Variants in CFAP74 observed in about 807,000 individuals in gnomAD.
CFAP74 encodes the protein cilia and flagella associated protein 74.
In CFAP74, 124 loss-of-function variants were observed where a neutral mutation model predicts 188.9. The observed-to-expected ratio is 0.66, with a 90% CI of 0.57 to 0.76. The LOEUF (loss-of-function observed/expected upper bound fraction) is 0.76. Ranked by LOEUF, CFAP74 falls within the 30% of genes least tolerant of loss-of-function variation. The pLI is 0.00. For synonymous variants in CFAP74, 956 were observed against 916.7 expected (o/e 1.04, Z -0.77); for missense variants, 2,198 against 2,165.2 (o/e 1.02, Z -0.30).
At chr1:1,971,465 G>A (rs1363085629) in intron 9 of CFAP74, among the ~76,000 whole-genome samples, 7 of 152,174 alleles carry the variant, frequency 4.6e-5, no homozygotes, top group Admixed American at 2.0e-4. Context: ...ACACTGGGCC[G>A]TTGAACAGAT....
chr1:1,955,232 A>G, intron 18 of CFAP74: 3 of 1,290,160 alleles, frequency 2.3e-6, no homozygotes, highest in Non-Finnish European at 3.0e-6. Flanking sequence ...CAAGGAGGAG[A>G]CGCAAGCGAT....
chr1:1,982,440 C>A (rs1656962996), intron 6 of CFAP74, among the ~76,000 whole-genome samples: 1 of 152,364 alleles, frequency 6.6e-6, no homozygotes, highest in Non-Finnish European at 1.5e-5. Context: ...CGGGGACACG[C>A]ATATGCATGA....
At chr1:1,992,701 C>T (rs1657659433) in intron 1 of CFAP74, among the ~76,000 whole-genome samples, 1 of 151,298 alleles carries the variant, frequency 6.6e-6, no homozygotes, top group Non-Finnish European at 1.5e-5. Flanking sequence ...GTCTCGATCT[C>T]CTGACCTCGT....
In CFAP74 at chr1:1,966,479, G is replaced by T; in HGVS notation, c.1293C>A (p.Val431=). 6.2e-7 allele frequency: 1 copy of T among 1,600,622 alleles called. No individual in the cohort carries two copies. Among genetic ancestry groups the T allele is most frequent in the Non-Finnish European group, 8.5e-7 (1 of 1,171,876 alleles). The change falls in exon 12 of 39, where the codon GTC becomes GTA. Residue 431 remains valine (V), a synonymous_variant. Transcript: ENST00000682832. The part of the protein sequence containing the change: ...AGPGPSRLLE[V]VSSELIQGDP... ...CCCCCTGGATAAGCTCACTGGAAACGACTTCCAGCAACCGAGAGGGCCCGG... is the reference window on the plus strand; with the variant it reads ...CCCCCTGGATAAGCTCACTGGAAACTACTTCCAGCAACCGAGAGGGCCCGG...
At chr1:1,985,335 G>T in intron 6 of CFAP74, 51 bp downstream of exon 6, 2 of 1,492,740 alleles carry the variant, frequency 1.3e-6, no homozygotes, top group Non-Finnish European at 1.9e-6. Context: ...GGAAGGACTC[G>T]CACCGTTCTG....
At chr1:1,971,837 CG>C (rs1656098211) in intron 9 of CFAP74, 142 bp downstream of exon 9, 1 of 641,098 alleles carries the variant, frequency 1.6e-6, no homozygotes, top group African/African-American at 1.8e-5. Flanking sequence ...GGCACAGGCT[CG>C]GGAAGCCTCC....
intron 14 of CFAP74, among the ~76,000 whole-genome samples, 199 bp downstream of exon 14, chr1:1,963,550 G>A (rs1050284282): frequency 6.7e-6 from 1 of 150,182 alleles, no homozygotes; most frequent in South Asian, 2.1e-4. Context: ...CCAGCCATTC[G>A]TGAAGGGAAA....
chr1:1,941,115 AAAAG>A (rs531512153), intron 22 of CFAP74, among the ~76,000 whole-genome samples: 1 of 152,164 alleles, frequency 6.6e-6, no homozygotes. Flanking sequence ...TCTGTCTCAA[AAAAG>A]AAAGAAAGAA....
In CFAP74 at chr1:1,980,058, A is replaced by G. The variant is rs1345215106; in HGVS notation, c.500+5328T>C. On this transcript the variant is annotated intron_variant, in intron 6 of 38. Transcript: ENST00000682832. ...GGACGGCGTCTGGCACGCAGTGGGC[A>G]CCCTCTTACCGCGTGGGGAGGACGG... Among the ~76,000 whole-genome samples, 195 of 148,710 alleles carry G rather than the reference A, an allele frequency of 1.3e-3. 1 individual carries two copies. The highest frequency in any genetic ancestry group is 4.5e-3 in the African/African-American group (180 of 40,340).
chr1:1,989,046 A>T (rs907641537), intron 2 of CFAP74, 73 bp from the exon 3 acceptor site: 6 of 790,688 alleles, frequency 7.6e-6, no homozygotes, highest in Non-Finnish European at 1.2e-5. Flanking sequence ...TTTAGGATAA[A>T]TCTTTTTCTT....
chr1:1,985,106 C>T (rs1236932353), intron 6 of CFAP74: 4 of 372,464 alleles, frequency 1.1e-5, no homozygotes, highest in Non-Finnish European at 2.0e-5. Flanking sequence ...AAACCCAGCT[C>T]GCTGTTCTGT....
At position 1,968,103 on chromosome 1, in the gene CFAP74, A is replaced by ATGAC. The variant is rs1553229165; in HGVS notation, c.1245+531_1245+532insGTCA. 6.6e-6 allele frequency among the ~76,000 whole-genome samples: 1 copy of ATGAC among 151,722 alleles called. No individual in the cohort carries two copies. The highest frequency in any genetic ancestry group is 1.5e-5 in the Non-Finnish European group (1 of 67,898). ...GAGTAAAGAGTGAATGAGTGAATGA[A>ATGAC]TGAGTGAATGAATGAAGAATGAGTG... On this transcript the variant is annotated intron_variant, in intron 11 of 38. Transcript: ENST00000682832. The surrounding 1 kb of genome is among the most constrained non-coding windows in gnomAD (Gnocchi z 4.3).
rs1310294729 is a variant in CFAP74, at chr1:1,944,341, C to T, written c.2476G>A (p.Val826Met). 5.9e-6 allele frequency: 9 copies of T among 1,535,464 alleles called. No individual in the cohort carries two copies. Among genetic ancestry groups the T allele is most frequent in the African/African-American group, 4.1e-5 (3 of 73,146 alleles). ...CAGGAGGGGGCTCACCGCGTGTGCA[C>T]GAGCACAGAGTCCTGGTAGAGCCGG... Reference protein sequence around the residue: ...YDRLYQDSVLVHTRSKAALRL... With the variant: ...YDRLYQDSVLMHTRSKAALRL... Residue 826 changes from valine to methionine, a missense_variant, in exon 21 of 39, where the codon GTG becomes ATG. Val to Met is a conservative substitution (Grantham distance 21). Transcript: ENST00000682832.
chr1:1,974,261 G>C, intron 6 of CFAP74, 63 bp from the exon 7 acceptor site: 18 of 1,488,226 alleles, frequency 1.2e-5, no homozygotes, highest in Non-Finnish European at 1.4e-5. Context: ...TGGGGGTTTC[G>C]GCATTGAGTT....
Position 1,942,129 on chromosome 1 carries a change from G to A in CFAP74, c.2514C>T (p.Phe838=), listed in dbSNP as rs1260384940. The A allele has an allele frequency of 1.5e-5, 23 of 1,527,048 alleles. No homozygotes were observed. The highest frequency in any genetic ancestry group is 1.9e-5 in the Non-Finnish European group (22 of 1,143,332). 94.6% of individuals were successfully genotyped at this position (1,527,048 alleles called of 1,614,324 possible). Residue 838 remains phenylalanine (F), a synonymous_variant, in exon 22 of 39, where the codon TTC becomes TTT. Coordinates refer to ENST00000682832, the MANE Select transcript of CFAP74 (RefSeq NM_001304360.2). The surrounding 1 kb of genome is among the most constrained non-coding windows in gnomAD (Gnocchi z 4.3). ...GGGCCCTCAGCTCCTTGCACACCTC[G>A]AACTTCAGGCGCAGGGCAGCTTTCG... ...TRSKAALRLK[F]EVCKELRAHL... is the part of the protein sequence containing the mutation.
chr1:1,942,008 C>A lies in CFAP74; in HGVS notation c.2615+20G>T. 1 of 1,478,276 alleles carries A rather than the reference C, an allele frequency of 6.8e-7. No homozygotes were observed. The highest frequency in any genetic ancestry group is 1.3e-5 in the South Asian group (1 of 74,822). The allele number at this position is 1,478,276 out of a possible 1,614,324, so 91.6% of individuals were successfully genotyped here. ...ACCTCCCACGTCCTCCTGTCCCGGC[C>A]TTGGCGTCCTGGCACCTACCGCGGC... On this transcript the variant is annotated intron_variant, in intron 22 of 38. Transcript: ENST00000682832. The surrounding 1 kb of genome is among the most constrained non-coding windows in gnomAD (Gnocchi z 4.3).
At chr1:1,945,231 C>T (rs954968221) in intron 20 of CFAP74, among the ~76,000 whole-genome samples, 8 of 152,062 alleles carry the variant, frequency 5.3e-5, no homozygotes, top group Non-Finnish European at 1.0e-4. Flanking sequence ...CGCTTGAACC[C>T]GGGAGGCAGA....
At chr1:1,929,016 G>GC (rs1251279603) in intron 26 of CFAP74, 134 bp from the exon 27 acceptor site, 7 of 622,402 alleles carry the variant, frequency 1.1e-5, no homozygotes, top group Non-Finnish European at 2.0e-5. Context: ...CAGGCTGCGT[G>GC]CCCCTTCAGG....
rs998601969 is a variant in CFAP74 at position 1,926,290 on chromosome 1, G to A, written c.3886C>T (p.Leu1296=). The change falls in exon 32 of 39, where the codon CTG becomes TTG. Residue 1296 remains leucine (L), a synonymous_variant. Coordinates refer to ENST00000682832, the MANE Select transcript of CFAP74 (RefSeq NM_001304360.2). Reference sequence around the variant, plus strand: ...ACCTGGGTCCCACCTGCACGCAGCAGGCTGGAGTGGTTCAGCAGGACAAAG... The same window carrying A: ...ACCTGGGTCCCACCTGCACGCAGCAAGCTGGAGTGGTTCAGCAGGACAAAG... ...GPFVLLNHSS[L]LRAGGTQVLV... 1.3e-6 allele frequency: 2 copies of A among 1,546,224 alleles called. No individual in the cohort carries two copies. Among genetic ancestry groups the A allele is most frequent in the African/African-American group, 2.7e-5 (2 of 72,984 alleles).
Sources: allele counts gnomAD v4.1 joint callset (sites outside exome capture counted in the v4.1 genomes callset), GRCh38; gene constraint gnomAD v4.1.1; non-coding constraint Gnocchi (gnomAD v3.1); transcripts MANE v1.5; gene names NCBI Gene and HGNC (gene_info 2026-07-23, HGNC 2026-07-21).